The following PKHD1 variants were observed in gnomAD, a reference collection of about 807,000 sequenced individuals.
PKHD1 encodes the protein fibrocystin.
Under a neutral mutation model 412.0 loss-of-function variants are expected in PKHD1, and 291 were observed. The observed-to-expected ratio is 0.71, with a 90% CI of 0.64 to 0.78. The LOEUF is 0.78. Among genes scored for constraint, PKHD1 ranks in the 30% least tolerant of loss-of-function variants. The pLI, the probability that PKHD1 is intolerant of heterozygous loss-of-function variation, is 0.00. For synonymous variants in PKHD1, 1,777 were observed against 1,821.5 expected (o/e 0.98, Z 0.62); for missense variants, 4,825 against 4,950.7 (o/e 0.97, Z 0.76).
At chr6:51,620,255 TTTTA>T (rs1766436601) in intron 66 of PKHD1, among the ~76,000 whole-genome samples, 1 of 152,344 alleles carries the variant, frequency 6.6e-6, no homozygotes, top group South Asian at 2.1e-4. Context: ...CTCTTTGACA[TTTTA>T]TTTGTCTCTT....
At chr6:51,746,447 C>T (rs188367821) in intron 59 of PKHD1, among the ~76,000 whole-genome samples, 1 of 152,300 alleles carries the variant, frequency 6.6e-6, no homozygotes, top group Admixed American at 6.5e-5. Context: ...CTGCCTCTTT[C>T]ATCAGCTAAA....
At chr6:51,683,670 T>G (rs1422550210) in intron 60 of PKHD1, among the ~76,000 whole-genome samples, 1 of 152,008 alleles carries the variant, frequency 6.6e-6, no homozygotes, top group African/African-American at 2.4e-5. Context: ...CACATCAGAT[T>G]TTGGTAAATT....
In PKHD1 at chr6:51,748,274, A is replaced by C; in HGVS notation, c.9342T>G (p.Cys3114Trp). 1 of 1,614,104 alleles carries C rather than the reference A, an allele frequency of 6.2e-7. No individual in the cohort carries two copies. Among genetic ancestry groups the C allele is most frequent in the Non-Finnish European group, 8.5e-7 (1 of 1,179,978 alleles). Residue 3114 changes from cysteine (C) to tryptophan (W), a missense_variant, in exon 58 of 67, where the codon TGT (cysteine) becomes TGG (tryptophan). Coordinates refer to ENST00000371117, the MANE Select transcript of PKHD1 (RefSeq NM_138694.4). ...CCACATTGTCAGACCAAAGCAGTTCACAAGAGGAGCACTTGTGGCCTCGGA... is the reference window on the plus strand; with the variant it reads ...CCACATTGTCAGACCAAAGCAGTTCCCAAGAGGAGCACTTGTGGCCTCGGA... Reference protein sequence around the residue: ...FHIRGHKCSSCELLWSDNVAH... With the variant: ...FHIRGHKCSSWELLWSDNVAH...
At chr6:51,665,307 T>C (rs1031217405) in intron 60 of PKHD1, among the ~76,000 whole-genome samples, 4 of 152,322 alleles carry the variant, frequency 2.6e-5, no homozygotes, top group African/African-American at 9.6e-5. Flanking sequence ...GATTGGGATG[T>C]GACTGCCCCA....
chr6:51,959,522 A>C (rs1182047608), intron 36 of PKHD1, among the ~76,000 whole-genome samples: 2 of 152,142 alleles, frequency 1.3e-5, no homozygotes, highest in Non-Finnish European at 2.9e-5. Flanking sequence ...CAAAGGCAGC[A>C]ACGTTAACCA....
intron 60 of PKHD1, among the ~76,000 whole-genome samples, chr6:51,670,830 A>G (rs956899920): frequency 2.0e-5 from 3 of 150,760 alleles, no homozygotes; most frequent in African/African-American, 7.3e-5. Flanking sequence ...TGGATATGAA[A>G]TTCTGGGTTG....
At chr6:51,745,237 T>C (rs149581792) in intron 59 of PKHD1, among the ~76,000 whole-genome samples, 186 of 152,338 alleles carry the variant, frequency 1.2e-3, no homozygotes, top group African/African-American at 4.2e-3. Flanking sequence ...ATTTGAATGA[T>C]GGTCCTTTCA....
chr6:51,629,678 A>G (rs922585094), intron 65 of PKHD1, among the ~76,000 whole-genome samples: 5 of 152,298 alleles, frequency 3.3e-5, no homozygotes, highest in African/African-American at 9.6e-5. Flanking sequence ...TTTAAAATTC[A>G]TATGTGATTT....
intron 37 of PKHD1, among the ~76,000 whole-genome samples, chr6:51,924,355 G>T (rs1785190313): frequency 6.6e-6 from 1 of 152,136 alleles, no homozygotes; most frequent in Non-Finnish European, 1.5e-5. Context: ...GAAGCATGAG[G>T]GTGGCCAAGG....
At chr6:51,714,784 T>G (rs28510737) in intron 60 of PKHD1, among the ~76,000 whole-genome samples, 18 of 152,108 alleles carry the variant, frequency 1.2e-4, no homozygotes, top group African/African-American at 4.1e-4. Context: ...TTTTGTTATC[T>G]ATTTTTTTGT....
At chr6:51,895,851 T>C (rs1408461338) in intron 43 of PKHD1, among the ~76,000 whole-genome samples, 2 of 152,076 alleles carry the variant, frequency 1.3e-5, no homozygotes, top group Non-Finnish European at 2.9e-5. Context: ...ATTGCCTCAC[T>C]CGGGAAGCTC....
intron 55 of PKHD1, among the ~76,000 whole-genome samples, chr6:51,757,931 G>A (rs1787295220): frequency 1.3e-5 from 2 of 151,198 alleles, no homozygotes; most frequent in South Asian, 2.1e-4. Context: ...GGATGGCTTA[G>A]GCCCCTGAGG....
chr6:52,050,363 A>C, intron 21 of PKHD1, 68 bp from the exon 22 acceptor site: 1 of 1,529,212 alleles, frequency 6.5e-7, no homozygotes, highest in South Asian at 1.1e-5. Flanking sequence ...GGAAAATCCC[A>C]GTTGGAAATG....
At chr6:51,885,366 T>C (rs892541397) in intron 45 of PKHD1, among the ~76,000 whole-genome samples, 4 of 152,206 alleles carry the variant, frequency 2.6e-5, no homozygotes, top group African/African-American at 9.6e-5. Flanking sequence ...TGTTTGTGTA[T>C]CAATGACGAA....
intron 52 of PKHD1, among the ~76,000 whole-genome samples, chr6:51,822,313 GAT>G (rs1337866632): frequency 6.6e-6 from 1 of 152,132 alleles, no homozygotes; most frequent in Non-Finnish European, 1.5e-5. Context: ...CTGCACAGAG[GAT>G]ATAGTTTATT....
intron 55 of PKHD1, among the ~76,000 whole-genome samples, chr6:51,768,985 ATC>A (rs1789594384): frequency 6.6e-6 from 1 of 151,668 alleles, no homozygotes; most frequent in Non-Finnish European, 1.5e-5. Context: ...TAATCTTCAC[ATC>A]TGGTATTAAG....
At chr6:51,998,870 T>G (rs918230543) in intron 35 of PKHD1, among the ~76,000 whole-genome samples, 4 of 152,130 alleles carry the variant, frequency 2.6e-5, no homozygotes, top group African/African-American at 9.7e-5. Flanking sequence ...TTTACATTTA[T>G]GTTGGCTCCA....
At chr6:52,056,240 T>C (rs1807705468) in intron 18 of PKHD1, among the ~76,000 whole-genome samples, 1 of 152,230 alleles carries the variant, frequency 6.6e-6, no homozygotes, top group Non-Finnish European at 1.5e-5. Flanking sequence ...AATATCAAGA[T>C]GGAAGAGGTG....
At chr6:52,027,532 C>CAAAAA (rs1229066296) in intron 31 of PKHD1, among the ~76,000 whole-genome samples, 2 of 83,804 alleles carry the variant, frequency 2.4e-5, no homozygotes. Context: ...AACTCCGTCT[C>CAAAAA]AAAAAAAAAA....
Sources: gnomAD v4.1 joint callset for allele counts (sites outside exome capture counted in the v4.1 genomes callset) on GRCh38, gnomAD v4.1.1 for gene constraint, MANE v1.5 for transcripts, NCBI Gene and HGNC (gene_info 2026-07-23, HGNC 2026-07-21) for gene names.